The following BICC1 variants were observed in gnomAD, a reference collection of about 807,000 sequenced individuals.
BICC1 encodes protein bicaudal C homolog 1.
In BICC1, 43 loss-of-function variants were observed where a neutral mutation model predicts 111.0. The observed-to-expected ratio is 0.39, with a 90% confidence interval of 0.30 to 0.50. BICC1 has a LOEUF of 0.50. Ranked by LOEUF, BICC1 falls within the 20% of genes least tolerant of loss-of-function variation. The pLI, the probability that BICC1 is intolerant of heterozygous loss-of-function variation, is 0.88. For missense variants in BICC1, 1,091 were observed against 1,203.2 expected (o/e 0.91, Z 1.38); for synonymous variants, 467 against 434.4 (o/e 1.07, Z -0.93).
chr10:58,613,887 A>G (rs1845517121), intron 1 of BICC1, among the ~76,000 whole-genome samples: 1 of 152,218 alleles, frequency 6.6e-6, no homozygotes, highest in African/African-American at 2.4e-5. Flanking sequence ...ATTCATTAGC[A>G]TCGAACCTAA....
intron 2 of BICC1, among the ~76,000 whole-genome samples, chr10:58,657,323 C>G (rs931451266): frequency 6.6e-5 from 10 of 152,142 alleles, no homozygotes; most frequent in African/African-American, 2.4e-4. Flanking sequence ...TGCATCACTG[C>G]TCTGCATTAT....
chr10:58,512,649 A>G (rs1236752657), upstream of BICC1, among the ~76,000 whole-genome samples: 3 of 152,096 alleles, frequency 2.0e-5, no homozygotes, highest in Non-Finnish European at 4.4e-5. Context: ...TTGAGGAGCT[A>G]TGAAAGTGCA....
At chr10:58,738,976 G>A (rs1442522371) in intron 3 of BICC1, among the ~76,000 whole-genome samples, 1 of 152,026 alleles carries the variant, frequency 6.6e-6, no homozygotes. Context: ...AGCTTAAGGA[G>A]ATTTGGGGCT....
chr10:58,682,146 C>T (rs1839547061), intron 2 of BICC1, among the ~76,000 whole-genome samples: 1 of 151,850 alleles, frequency 6.6e-6, no homozygotes, highest in East Asian at 1.9e-4. Context: ...CGATAGTTTG[C>T]TCAGAATGAT....
chr10:58,765,074 GT>G (rs1169633310), intron 3 of BICC1, among the ~76,000 whole-genome samples: 3 of 151,948 alleles, frequency 2.0e-5, no homozygotes, highest in East Asian at 3.9e-4. Flanking sequence ...TTTTTTGTTT[GT>G]TTTTTTGTTT....
chr10:58,585,582 C>T (rs952950406), intron 1 of BICC1, among the ~76,000 whole-genome samples: 5 of 152,098 alleles, frequency 3.3e-5, no homozygotes, highest in Admixed American at 1.3e-4. Context: ...GTGTGTCATA[C>T]ACCTCACAGG....
At chr10:58,606,852 A>G (rs1255510190) in intron 1 of BICC1, among the ~76,000 whole-genome samples, 1 of 152,166 alleles carries the variant, frequency 6.6e-6, no homozygotes, top group Non-Finnish European at 1.5e-5. Flanking sequence ...TTAAAAATAC[A>G]TTTTATAGTC....
rs1842258088 is a variant in BICC1, at chr10:58,759,879, G to A, written c.308-25122G>A. Reference sequence around the variant, plus strand: ...GAGGCTGAGGCAGGGGAATGGCGTGGACCTGGGAGGCGGAGCTTGCAGTGA... The same window carrying A: ...GAGGCTGAGGCAGGGGAATGGCGTGAACCTGGGAGGCGGAGCTTGCAGTGA... On this transcript the variant is annotated intron_variant, in intron 3 of 20. Coordinates refer to ENST00000373886, the MANE Select transcript of BICC1 (RefSeq NM_001080512.3). Among the ~76,000 whole-genome samples the A allele has an allele frequency of 2.6e-5, 4 of 151,624 alleles. No individual in the cohort carries two copies. In the South Asian group the frequency reaches 8.4e-4, roughly 32 times the overall value.
chr10:58,588,384 C>T lies in BICC1; in HGVS notation c.191-32471C>T, dbSNP rs548570757. Among the ~76,000 whole-genome samples the T allele has an allele frequency of 5.3e-5, 8 of 152,210 alleles. No individual in the cohort carries two copies. In the East Asian group the frequency reaches 7.7e-4, roughly 15 times the overall value. ...GGTGCATGGGTGTATCTTGTTAAACCGAGTATTTGGGGTCCTCATATGCAT... is the reference window on the plus strand; with the variant it reads ...GGTGCATGGGTGTATCTTGTTAAACTGAGTATTTGGGGTCCTCATATGCAT... On this transcript the variant is annotated intron_variant, in intron 1 of 20. Transcript: ENST00000373886.
intron 1 of BICC1, among the ~76,000 whole-genome samples, chr10:58,556,136 C>T (rs1012149154): frequency 3.9e-5 from 6 of 151,906 alleles, no homozygotes; most frequent in Non-Finnish European, 8.8e-5. Context: ...AGTTATACCT[C>T]CTAGGTTGAG....
At chr10:58,532,215 A>T in intron 1 of BICC1, among the ~76,000 whole-genome samples, 1 of 151,768 alleles carries the variant, frequency 6.6e-6, no homozygotes, top group East Asian at 1.9e-4. Flanking sequence ...AGAATATCAC[A>T]CATTTCTCAG....
chr10:58,626,986 G>T (rs150914920), intron 2 of BICC1, among the ~76,000 whole-genome samples: 1 of 151,968 alleles, frequency 6.6e-6, no homozygotes, highest in Non-Finnish European at 1.5e-5. Flanking sequence ...CCTATAATCC[G>T]ATCTACTCGG....
chr10:58,547,672 G>A (rs890672343), intron 1 of BICC1, among the ~76,000 whole-genome samples: 1 of 136,866 alleles, frequency 7.3e-6, no homozygotes, highest in Non-Finnish European at 1.6e-5. Context: ...ATGCATGCAT[G>A]TATGTATGTC....
chr10:58,582,411 T>C (rs1309879313), intron 1 of BICC1, among the ~76,000 whole-genome samples: 1 of 152,230 alleles, frequency 6.6e-6, no homozygotes, highest in Non-Finnish European at 1.5e-5. Flanking sequence ...TGAATACCTT[T>C]AACTATCAGG....
chr10:58,752,760 C>T (rs1842025760), intron 3 of BICC1, among the ~76,000 whole-genome samples: 1 of 152,178 alleles, frequency 6.6e-6, no homozygotes, highest in South Asian at 2.1e-4. Flanking sequence ...ACAGCATTTA[C>T]TTTACCATGC....
In BICC1 at chr10:58,804,095, T is replaced by C. The variant is rs183558285; in HGVS notation, c.2181+853T>C. Among the ~76,000 whole-genome samples the C allele has an allele frequency of 1.4e-3, 213 of 152,336 alleles. 2 individuals carry two copies. The highest frequency in any genetic ancestry group is 5.1e-3 in the African/African-American group (210 of 41,578). On this transcript the variant is annotated intron_variant, in intron 15 of 20. Coordinates refer to ENST00000373886, the MANE Select transcript of BICC1 (RefSeq NM_001080512.3). ...CTAAACTATATTACTTTAATTCCAG[T>C]GCAATCTGCAGTTTAGTCCTCCTTC...
intron 1 of BICC1, among the ~76,000 whole-genome samples, chr10:58,575,537 C>T (rs1485951444): frequency 6.6e-6 from 1 of 151,172 alleles, no homozygotes; most frequent in Admixed American, 6.6e-5. Flanking sequence ...TTAAAGGTTA[C>T]AGTCTTATTG....
chr10:58,612,961 G>C (rs1845480717), intron 1 of BICC1, among the ~76,000 whole-genome samples: 1 of 91,178 alleles, frequency 1.1e-5, no homozygotes, highest in Admixed American at 9.5e-5. Flanking sequence ...TCTGTAGTTT[G>C]GGGGGATTGT....
At chr10:58,824,492 G>C (rs1844339370) in intron 20 of BICC1, among the ~76,000 whole-genome samples, 1 of 152,142 alleles carries the variant, frequency 6.6e-6, no homozygotes, top group African/African-American at 2.4e-5. Flanking sequence ...GAAGGCAGTG[G>C]GGTAAAATGT....
Sources: gnomAD v4.1 joint callset for allele counts (sites outside exome capture counted in the v4.1 genomes callset) on GRCh38, gnomAD v4.1.1 for gene constraint, MANE v1.5 for transcripts, NCBI Gene and HGNC (gene_info 2026-07-23, HGNC 2026-07-21) for gene names.